Variants in FBLN2 observed in about 807,000 individuals in gnomAD.
FBLN2 encodes fibulin-2.
FBLN2 carries 81 observed loss-of-function variants against 123.7 expected under a neutral mutation model. The ratio of observed to expected loss-of-function variants is 0.65; its 90% CI spans 0.55 to 0.79. The LOEUF is 0.79. FBLN2 is among the 30% of genes least tolerant of loss of function. The pLI is 0.00. For synonymous variants in FBLN2, 699 were observed against 701.4 expected (o/e 1.00, Z 0.05); for missense variants, 1,603 against 1,681.3 (o/e 0.95, Z 0.81).
chr3:13,565,717 G>C (rs1703728009), intron 1 of FBLN2, among the ~76,000 whole-genome samples: 1 of 152,206 alleles, frequency 6.6e-6, no homozygotes, highest in Admixed American at 6.5e-5. Flanking sequence ...GGCCAGCCTG[G>C]ACAGTGACTG....
rs758316919 is a variant in FBLN2, at chr3:13,608,068, C to A, written c.1313C>A (p.Thr438Asn). 6.3e-7 allele frequency: 1 copy of A among 1,578,986 alleles called. No homozygotes were observed. Among genetic ancestry groups the A allele is most frequent in the African/African-American group, 1.3e-5 (1 of 74,238 alleles). ...SIPRSSPEGS[T>N]KDLIETCCAA... ...CTCATGTTGCTATCCACAGGCTCCA[C>A]CAAGGACCTGATCGAGACTTGCTGC... Residue 438 changes from threonine (T) to asparagine (N), a missense_variant, in exon 3 of 18, where the codon ACC (threonine) becomes AAC (asparagine). Thr to Asn is a moderately conservative substitution (Grantham distance 65, BLOSUM62 0). Transcript: ENST00000404922.
chr3:13,637,184 G>A (rs75026313), intron 17 of FBLN2, among the ~76,000 whole-genome samples: 19,571 of 152,118 alleles, frequency 0.13, 1,597 homozygotes, highest in Non-Finnish European at 0.18. Context: ...ACCCTGGGAG[G>A]GACACTGGGT....
At chr3:13,621,336 C>A (rs983708761) in intron 8 of FBLN2, among the ~76,000 whole-genome samples, 9 of 152,232 alleles carry the variant, frequency 5.9e-5, no homozygotes, top group East Asian at 1.9e-4. Flanking sequence ...GGGGCCCACA[C>A]CCCTGTCCCC....
chr3:13,574,165 G>A (rs753766707), intron 2 of FBLN2, among the ~76,000 whole-genome samples: 5 of 152,182 alleles, frequency 3.3e-5, no homozygotes, highest in Admixed American at 1.3e-4. Context: ...TGAGTTTTAG[G>A]GTTTCCCTGT....
chr3:13,573,149 C>T (rs944057116), intron 2 of FBLN2, among the ~76,000 whole-genome samples: 11 of 151,030 alleles, frequency 7.3e-5, no homozygotes, highest in Admixed American at 2.0e-4. Context: ...GCCTCAAACA[C>T]AAATCAGATC....
At chr3:13,607,524 C>T (rs1574978251) in intron 2 of FBLN2, among the ~76,000 whole-genome samples, 1 of 152,066 alleles carries the variant, frequency 6.6e-6, no homozygotes, top group African/African-American at 2.4e-5. Context: ...AGTGTGTATT[C>T]AACATAAAAC....
intron 2 of FBLN2, among the ~76,000 whole-genome samples, chr3:13,573,737 CTACTAAAAA>C (rs1704039148): frequency 6.6e-6 from 1 of 151,952 alleles, no homozygotes; most frequent in Admixed American, 6.6e-5. Context: ...AACCTCAAAT[CTACTAAAAA>C]TACAAAATTA....
At chr3:13,580,845 C>G (rs1026801054) in intron 2 of FBLN2, among the ~76,000 whole-genome samples, 2 of 152,266 alleles carry the variant, frequency 1.3e-5, no homozygotes, top group African/African-American at 4.8e-5. Flanking sequence ...TTTATTATTG[C>G]TCCCAAGTCC....
At chr3:13,585,915 G>A (rs1704481354) in intron 2 of FBLN2, among the ~76,000 whole-genome samples, 1 of 152,216 alleles carries the variant, frequency 6.6e-6, no homozygotes, top group East Asian at 1.9e-4. Flanking sequence ...TGTTATTTTG[G>A]TAGGCCTAGG....
At chr3:13,581,677 G>A (rs1181410122) in intron 2 of FBLN2, among the ~76,000 whole-genome samples, 1 of 152,164 alleles carries the variant, frequency 6.6e-6, no homozygotes, top group African/African-American at 2.4e-5. Context: ...GATTAAGGAG[G>A]GGGAGAATGC....
intron 16 of FBLN2, 118 bp downstream of exon 16, chr3:13,631,575 A>C: frequency 1.6e-6 from 2 of 1,243,844 alleles, no homozygotes; most frequent in Non-Finnish European, 2.2e-6. Flanking sequence ...CAGTGAATAA[A>C]TGCAGGATGG....
At chr3:13,593,593 A>G (rs1039385130) in intron 2 of FBLN2, among the ~76,000 whole-genome samples, 14 of 151,864 alleles carry the variant, frequency 9.2e-5, no homozygotes, top group Non-Finnish European at 2.1e-4. Context: ...GTGCCCCTGT[A>G]GTCCCAGCTA....
chr3:13,627,969 G>A lies in FBLN2; in HGVS notation c.2569G>A (p.Asp857Asn). 6.2e-7 allele frequency: 1 copy of A among 1,612,938 alleles called. No individual in the cohort carries two copies. The highest frequency in any genetic ancestry group is 8.5e-7 in the Non-Finnish European group (1 of 1,179,320). ...FLQDPEGNCV[D>N]INECTSLSEP... Reference sequence around the variant, plus strand: ...GCAGGATCCTGAAGGCAACTGTGTGGGTGAGCGGGGGCTGCAGGGCTGGGG... The same window carrying A: ...GCAGGATCCTGAAGGCAACTGTGTGAGTGAGCGGGGGCTGCAGGGCTGGGG... The change falls in exon 11 of 18, where the codon GAC (aspartate) becomes AAC (asparagine). Residue 857 changes from aspartate (D) to asparagine (N), a missense_variant and splice_region_variant. Coordinates refer to ENST00000404922, the MANE Select transcript of FBLN2 (RefSeq NM_001004019.2).
intron 9 of FBLN2, among the ~76,000 whole-genome samples, chr3:13,624,883 G>A (rs867952728): frequency 1.3e-5 from 2 of 152,292 alleles, no homozygotes; most frequent in Non-Finnish European, 2.9e-5. Flanking sequence ...AGATGGGTCA[G>A]CCTTCCACAC....
intron 9 of FBLN2, among the ~76,000 whole-genome samples, chr3:13,624,868 G>C (rs1191705547): frequency 1.3e-5 from 2 of 152,298 alleles, no homozygotes; most frequent in African/African-American, 2.4e-5. Flanking sequence ...GCACCAGGAG[G>C]GGGTAGATGG....
At chr3:13,626,659 G>A in intron 10 of FBLN2, 80 bp downstream of exon 10, 1 of 1,416,774 alleles carries the variant, frequency 7.1e-7, no homozygotes, top group East Asian at 2.6e-5. Context: ...TCCCACCCCT[G>A]TCCTGCCCTG....
chr3:13,606,182 A>G (rs1228747435), intron 2 of FBLN2, among the ~76,000 whole-genome samples: 1 of 152,196 alleles, frequency 6.6e-6, no homozygotes, highest in Non-Finnish European at 1.5e-5. Flanking sequence ...TACAGGCGTG[A>G]ACCACCACAT....
intron 2 of FBLN2, among the ~76,000 whole-genome samples, chr3:13,603,146 C>T (rs1427170909): frequency 6.6e-5 from 10 of 151,608 alleles, no homozygotes; most frequent in African/African-American, 4.8e-5. Flanking sequence ...CTCCTGACCT[C>T]GTGATCCGCA....
chr3:13,591,796 G>C (rs930140805), intron 2 of FBLN2, among the ~76,000 whole-genome samples: 1 of 152,130 alleles, frequency 6.6e-6, no homozygotes, highest in Non-Finnish European at 1.5e-5. Flanking sequence ...TATCCTAGAT[G>C]TTTTATTGTT....
Sources: gnomAD v4.1 joint callset for allele counts (sites outside exome capture counted in the v4.1 genomes callset) on GRCh38, gnomAD v4.1.1 for gene constraint, MANE v1.5 for transcripts, NCBI Gene and HGNC (gene_info 2026-07-23, HGNC 2026-07-21) for gene names.